LRBA: variants seen among roughly 807,000 people sequenced by gnomAD.
The protein encoded by LRBA is lipopolysaccharide-responsive and beige-like anchor protein.
LRBA carries 176 observed loss-of-function variants against 330.0 expected under a neutral mutation model. The observed-to-expected ratio is 0.53, with a 90% confidence interval of 0.47 to 0.60. The LOEUF is 0.60. Among genes scored for constraint, LRBA ranks in the 20% least tolerant of loss-of-function variants. LRBA has a pLI of 0.00. For synonymous variants in LRBA, 1,230 were observed against 1,193.0 expected (o/e 1.03, Z -0.64); for missense variants, 3,259 against 3,444.8 (o/e 0.95, Z 1.35).
rs145746139 is a variant in LRBA, at chr4:150,928,866, C to T, written c.416G>A (p.Gly139Glu). 1.9e-6 allele frequency: 3 copies of T among 1,613,602 alleles called. No homozygotes were observed. The African/African-American group carries it at 4.0e-5, about 22-fold the overall frequency. The change falls in exon 3 of 57, where the codon GGG becomes GAG. Residue 139 changes from glycine (G) to glutamate (E), a missense_variant. Physicochemically the swap from Gly to Glu is moderately conservative, Grantham distance 98. Coordinates refer to ENST00000651943, the MANE Select transcript of LRBA (RefSeq NM_001364905.1). ...CATATTGTCAACTTTTTCAATTTTC[C>T]CAAGCACTTTTTCAACAAGGCCTAC... ...TEVGLVEKVL[G>E]KIEKVDNMIA...
intron 2 of LRBA, among the ~76,000 whole-genome samples, chr4:150,993,921 CT>C (rs1742368533): frequency 1.3e-5 from 2 of 151,832 alleles, no homozygotes; most frequent in African/African-American, 4.8e-5. Context: ...AAAAATTAGC[CT>C]GGCGTGGTGG....
chr4:150,809,852 TACGATA>T (rs1270700338), intron 31 of LRBA, among the ~76,000 whole-genome samples: 26 of 7,896 alleles, frequency 3.3e-3, no homozygotes, highest in African/African-American at 8.5e-3. Context: ...TGTCTTAAAA[TACGATA>T]CGATACGATA....
chr4:150,741,155 A>C (rs1246023344), intron 35 of LRBA, among the ~76,000 whole-genome samples: 1 of 152,188 alleles, frequency 6.6e-6, no homozygotes, highest in African/African-American at 2.4e-5. Flanking sequence ...TAAGAAAAAT[A>C]GTGACAAAAT....
intron 36 of LRBA, among the ~76,000 whole-genome samples, chr4:150,705,776 T>C (rs1041726031): frequency 6.6e-6 from 1 of 151,988 alleles, no homozygotes; most frequent in South Asian, 2.1e-4. Flanking sequence ...TAAAAAGTAC[T>C]AAATAAATAT....
intron 2 of LRBA, among the ~76,000 whole-genome samples, chr4:150,986,874 C>T (rs1741520924): frequency 6.6e-6 from 1 of 152,062 alleles, no homozygotes; most frequent in African/African-American, 2.4e-5. Context: ...GATACTCGTG[C>T]GATAGGTGAA....
intron 40 of LRBA, among the ~76,000 whole-genome samples, chr4:150,546,313 T>A (rs1765856291): frequency 6.6e-6 from 1 of 152,202 alleles, no homozygotes; most frequent in South Asian, 2.1e-4. Context: ...TTCAAACCTT[T>A]TCTTAATGCT....
At chr4:150,354,713 C>A (rs192746710) in intron 47 of LRBA, among the ~76,000 whole-genome samples, 8 of 151,692 alleles carry the variant, frequency 5.3e-5, no homozygotes, top group Admixed American at 5.3e-4. Flanking sequence ...ACTGTCTTGG[C>A]GCTGATATCT....
rs747034061 is a variant in LRBA at position 150,286,001 on chromosome 4, C to G, written c.8051G>C (p.Gly2684Ala). The G allele has an allele frequency of 1.3e-6, 2 of 1,590,542 alleles. No homozygotes were observed. Among genetic ancestry groups the G allele is most frequent in the South Asian group, 1.1e-5 (1 of 87,184 alleles). Reference sequence around the variant, plus strand: ...AGCACATGTGACCTCATAGTCATGGCCGGTCAAAATGGCCCGAGGAGCAGC... The same window carrying G: ...AGCACATGTGACCTCATAGTCATGGGCGGTCAAAATGGCCCGAGGAGCAGC... Reference protein sequence around the residue: ...ETAAPRAILTGHDYEVTCAAV... With the variant: ...ETAAPRAILTAHDYEVTCAAV... The change falls in exon 54 of 57, where the codon GGC becomes GCC. Residue 2684 changes from glycine to alanine, a missense_variant. Physicochemically the swap from Gly to Ala is moderately conservative, Grantham distance 60. Transcript: ENST00000651943.
At chr4:150,824,084 G>A (rs1445868066) in intron 30 of LRBA, among the ~76,000 whole-genome samples, 2 of 151,892 alleles carry the variant, frequency 1.3e-5, no homozygotes, top group African/African-American at 4.8e-5. Context: ...CTTTCATTTT[G>A]GGGGTCCTTT....
intron 40 of LRBA, among the ~76,000 whole-genome samples, chr4:150,576,733 T>C (rs1315165646): frequency 1.3e-5 from 2 of 151,818 alleles, no homozygotes; most frequent in Non-Finnish European, 1.5e-5. Flanking sequence ...ATATATATTA[T>C]CTAAGGCAAT....
chr4:150,574,929 C>T (rs1770348496), intron 40 of LRBA, among the ~76,000 whole-genome samples: 1 of 151,956 alleles, frequency 6.6e-6, no homozygotes, highest in South Asian at 2.1e-4. Context: ...GCAAGCAAAT[C>T]ATTTGAAAAC....
chr4:150,384,844 A>C (rs1274411647), intron 47 of LRBA, among the ~76,000 whole-genome samples: 1 of 152,126 alleles, frequency 6.6e-6, no homozygotes. Flanking sequence ...TATAATTATC[A>C]GTATGAATTT....
intron 35 of LRBA, among the ~76,000 whole-genome samples, chr4:150,750,703 G>T (rs1200794707): frequency 6.6e-6 from 1 of 151,942 alleles, no homozygotes; most frequent in Non-Finnish European, 1.5e-5. Context: ...AAAGTGCTGG[G>T]ATTACAGGAG....
intron 17 of LRBA, among the ~76,000 whole-genome samples, chr4:150,882,116 A>T (rs1044028585): frequency 2.6e-5 from 4 of 152,162 alleles, no homozygotes; most frequent in African/African-American, 4.8e-5. Context: ...TAATTTTTTC[A>T]AAAGATAAAC....
chr4:150,540,754 A>T (rs918339912), intron 40 of LRBA, among the ~76,000 whole-genome samples: 2 of 152,220 alleles, frequency 1.3e-5, no homozygotes, highest in African/African-American at 4.8e-5. Context: ...GCAGAAATAC[A>T]GCCACAGAAG....
At chr4:150,314,809 C>G (rs1436331419) in intron 51 of LRBA, 5 of 152,142 alleles carry the variant, frequency 3.3e-5, no homozygotes, top group Non-Finnish European at 1.5e-5. Context: ...TTCGACTAAT[C>G]TACTCAAAAA....
At chr4:150,503,246 G>C (rs544280502) in intron 40 of LRBA, among the ~76,000 whole-genome samples, 20 of 152,342 alleles carry the variant, frequency 1.3e-4, no homozygotes, top group South Asian at 6.2e-4. Flanking sequence ...AGAACAGGCA[G>C]ACCGCCTCCT....
chr4:150,491,056 C>G lies in LRBA; in HGVS notation c.6331-21G>C, dbSNP rs554007687. ...AAGATCTAATGAGGAAAAAAATAAT[C>G]CCAGGTAAGTAACAATACTTGTTTT... On this transcript the variant is annotated intron_variant, in intron 40 of 56. Transcript: ENST00000651943. The G allele has an allele frequency of 1.8e-4, 228 of 1,234,654 alleles. 1 individual carries two copies. In the South Asian group the frequency reaches 2.6e-3, roughly 14 times the overall value. 76.5% of individuals were successfully genotyped at this position (1,234,654 alleles called of 1,614,324 possible). A position where few individuals can be genotyped will look rare whatever the true frequency, so the allele number is the denominator to read the frequency against.
Position 150,908,811 on chromosome 4 carries a change from T to A in LRBA, c.1208A>T (p.His403Leu), listed in dbSNP as rs1731630492. 6.2e-7 allele frequency: 1 copy of A among 1,613,906 alleles called. No individual in the cohort carries two copies. Among genetic ancestry groups the A allele is most frequent in the East Asian group, 2.2e-5 (1 of 44,860 alleles). Residue 403 changes from histidine to leucine, a missense_variant, in exon 10 of 57, where the codon CAT becomes CTT. His to Leu is a moderately conservative substitution (Grantham distance 99). Transcript: ENST00000651943. Reference sequence around the variant, plus strand: ...CCCATCGTACAATAAAAGTTTGTGATGCTCAGCAAGGAAAAGGTCGCTTTC... The same window carrying A: ...CCCATCGTACAATAAAAGTTTGTGAAGCTCAGCAAGGAAAAGGTCGCTTTC... ...KAESDLFLAE[H>L]HKLLLYDGKL...
Sources: gnomAD v4.1 joint callset for allele counts (sites outside exome capture counted in the v4.1 genomes callset) on GRCh38, gnomAD v4.1.1 for gene constraint, MANE v1.5 for transcripts, NCBI Gene and HGNC (gene_info 2026-07-23, HGNC 2026-07-21) for gene names.